ZNF385D: variants seen among roughly 807,000 people sequenced by gnomAD.
The protein encoded by ZNF385D is zinc finger protein 659.
Under a neutral mutation model 35.8 loss-of-function variants are expected in ZNF385D, and 15 were observed. The ratio of observed to expected loss-of-function variants is 0.42; its 90% CI spans 0.28 to 0.64. The LOEUF is 0.64. ZNF385D is among the 30% of genes least tolerant of loss of function. ZNF385D has a pLI of 0.23. For missense variants in ZNF385D, 474 were observed against 494.6 expected, an observed-to-expected ratio of 0.96 and a Z score of 0.39; for synonymous variants, 212 against 186.8, an observed-to-expected ratio of 1.13 and a Z score of -1.10.
At chr3:21,998,795 C>T (rs1205219773) in intron 3 of ZNF385D, among the ~76,000 whole-genome samples, 1 of 152,108 alleles carries the variant, frequency 6.6e-6, no homozygotes, top group Non-Finnish European at 1.5e-5. Flanking sequence ...CTTAGAAGTG[C>T]ATAGGCTTAA....
At chr3:21,970,875 A>G (rs998377015) in intron 3 of ZNF385D, among the ~76,000 whole-genome samples, 1 of 152,156 alleles carries the variant, frequency 6.6e-6, no homozygotes, top group African/African-American at 2.4e-5. Flanking sequence ...CAGAATTTCC[A>G]GTGAAAACTT....
chr3:21,878,109 T>C lies in ZNF385D; in HGVS notation c.326-213081A>G, dbSNP rs113616022. On this transcript the variant is annotated intron_variant, in intron 3 of 5. Coordinates refer to the ZNF385D transcript ENST00000494108. Reference sequence around the variant, plus strand: ...ACATTGCATCTTCGAACTGATGACATCTTAGGTTCAGTAAAATATAGTAAC... The same window carrying C: ...ACATTGCATCTTCGAACTGATGACACCTTAGGTTCAGTAAAATATAGTAAC... 3.3e-3 allele frequency: 500 copies of C among 152,132 alleles called. 2 individuals are homozygous for C. Among genetic ancestry groups the C allele is most frequent in the African/African-American group, 0.011 (473 of 41,534 alleles). The allele number at this position is 152,132 out of a possible 1,614,324, so 9.4% of individuals were successfully genotyped here. A position where few individuals can be genotyped will look rare whatever the true frequency, so the allele number is the denominator to read the frequency against.
intron 2 of ZNF385D, among the ~76,000 whole-genome samples, chr3:22,221,361 T>C (rs1376929158): frequency 6.6e-6 from 1 of 152,176 alleles, no homozygotes; most frequent in Non-Finnish European, 1.5e-5. Context: ...TATCAATTCA[T>C]GGCCAATCAC....
intron 3 of ZNF385D, among the ~76,000 whole-genome samples, chr3:22,065,305 C>T (rs1699883756): frequency 6.6e-6 from 1 of 152,206 alleles, no homozygotes; most frequent in Non-Finnish European, 1.5e-5. Flanking sequence ...TCTCATCTAG[C>T]TCGCTGTCCT....
chr3:22,359,205 C>T (rs1696300373), intron 2 of ZNF385D, among the ~76,000 whole-genome samples: 1 of 151,210 alleles, frequency 6.6e-6, no homozygotes. Flanking sequence ...TTAGGTCTAC[C>T]ATCATTAGTT....
At chr3:22,237,717 C>G (rs1297329539) in intron 2 of ZNF385D, among the ~76,000 whole-genome samples, 1 of 152,164 alleles carries the variant, frequency 6.6e-6, no homozygotes, top group Non-Finnish European at 1.5e-5. Context: ...GATCTCAGCT[C>G]ACTAGAACCT....
chr3:21,694,523 T>A (rs959281533), intron 1 of ZNF385D, among the ~76,000 whole-genome samples: 3 of 152,156 alleles, frequency 2.0e-5, no homozygotes, highest in Non-Finnish European at 4.4e-5. Context: ...CACAGCCAGA[T>A]CTGGGTACTC....
chr3:21,769,924 A>G (rs1374903778), intron 3 of ZNF385D, among the ~76,000 whole-genome samples: 1 of 152,052 alleles, frequency 6.6e-6, no homozygotes, highest in Non-Finnish European at 1.5e-5. Flanking sequence ...GCCCTCAGAA[A>G]TAATACCACA....
At chr3:21,507,704 C>T (rs185295931) in intron 4 of ZNF385D, among the ~76,000 whole-genome samples, 7 of 152,194 alleles carry the variant, frequency 4.6e-5, no homozygotes, top group South Asian at 2.1e-4. Context: ...TCCAAGTAGG[C>T]GAGTCTATAG....
chr3:22,042,565 T>C (rs1205080593), intron 3 of ZNF385D, among the ~76,000 whole-genome samples: 1 of 152,134 alleles, frequency 6.6e-6, no homozygotes, highest in Non-Finnish European at 1.5e-5. Flanking sequence ...AAGAGCTCAA[T>C]AATCATCCAG....
rs1366485477 is a variant in ZNF385D, at chr3:21,471,254, TTC to T, written c.440-34053_440-34052del. ...ACCATATTTCCCTCCCTCCCTCCCT[TTC>T]TCTCTCTCTCTCTCTCTTTCTCTCT... On this transcript the variant is annotated intron_variant, in intron 4 of 7. Coordinates refer to ENST00000281523, the MANE Select transcript of ZNF385D (RefSeq NM_024697.3). Among the ~76,000 whole-genome samples, 398 of 105,150 alleles carry T rather than the reference TTC, an allele frequency of 3.8e-3. 5 individuals carry two copies. The highest frequency in any genetic ancestry group is 5.0e-3 in the Non-Finnish European group (268 of 53,200). The allele number at this position is 105,150 out of a possible 152,430, so 69.0% of individuals were successfully genotyped here. A position where few individuals can be genotyped will look rare whatever the true frequency, so the allele number is the denominator to read the frequency against.
chr3:21,427,421 A>G (rs1701072613), intron 5 of ZNF385D, among the ~76,000 whole-genome samples: 1 of 152,174 alleles, frequency 6.6e-6, no homozygotes. Flanking sequence ...CTTTTGGTTA[A>G]TATCATCTGT....
chr3:22,004,996 T>C (rs761519905), intron 3 of ZNF385D, among the ~76,000 whole-genome samples: 7 of 135,328 alleles, frequency 5.2e-5, no homozygotes, highest in Non-Finnish European at 1.1e-4. Context: ...ACTTCCTAAA[T>C]TGACTGAGAC....
At chr3:21,756,848 C>A (rs7641603) in intron 3 of ZNF385D, among the ~76,000 whole-genome samples, 1 of 152,108 alleles carries the variant, frequency 6.6e-6, no homozygotes, top group African/African-American at 2.4e-5. Context: ...GCTGTCCATA[C>A]GGAAACAAAT....
intron 3 of ZNF385D, among the ~76,000 whole-genome samples, chr3:22,011,614 A>G (rs1445246854): frequency 6.6e-6 from 1 of 152,154 alleles, no homozygotes; most frequent in East Asian, 1.9e-4. Flanking sequence ...TGTAATCTAA[A>G]TAATAGTAAA....
intron 3 of ZNF385D, among the ~76,000 whole-genome samples, chr3:21,996,122 A>T (rs1695449353): frequency 6.6e-6 from 1 of 152,120 alleles, no homozygotes. Context: ...GAGCTGTGCT[A>T]TAGCTGCTTG....
intron 3 of ZNF385D, among the ~76,000 whole-genome samples, chr3:22,141,852 A>G (rs1001600985): frequency 1.3e-5 from 2 of 152,230 alleles, no homozygotes; most frequent in Non-Finnish European, 2.9e-5. Flanking sequence ...TTGACCAAGG[A>G]CAATTAGCAA....
At chr3:22,362,371 A>T (rs927512022) in intron 2 of ZNF385D, among the ~76,000 whole-genome samples, 3 of 152,108 alleles carry the variant, frequency 2.0e-5, no homozygotes, top group South Asian at 4.1e-4. Context: ...ACTAATAAAA[A>T]ATTGTTACAG....
At chr3:22,198,203 G>T (rs749538781) in intron 2 of ZNF385D, among the ~76,000 whole-genome samples, 20 of 152,076 alleles carry the variant, frequency 1.3e-4, no homozygotes, top group Non-Finnish European at 2.6e-4. Context: ...CTAGTAGCTG[G>T]ATTTGGCAGG....
Sources: gnomAD v4.1 joint callset for allele counts (sites outside exome capture counted in the v4.1 genomes callset) on GRCh38, gnomAD v4.1.1 for gene constraint, MANE v1.5 for transcripts, NCBI Gene and HGNC (gene_info 2026-07-23, HGNC 2026-07-21) for gene names.